The following CNTN4 variants were observed in gnomAD, a reference collection of about 807,000 sequenced individuals.
The protein encoded by CNTN4 is contactin-4.
In CNTN4, 77 loss-of-function variants were observed where a neutral mutation model predicts 122.5. The ratio of observed to expected loss-of-function variants is 0.63; its 90% CI spans 0.52 to 0.76. The LOEUF is 0.76. Among genes scored for constraint, CNTN4 ranks in the 30% least tolerant of loss-of-function variants. The pLI, the probability that CNTN4 is intolerant of heterozygous loss-of-function variation, is 0.00. For synonymous variants in CNTN4, 512 were observed against 447.0 expected (o/e 1.15, Z -1.83); for missense variants, 1,256 against 1,259.1 (o/e 1.00, Z 0.04).
At chr3:2,388,113 C>G (rs1485547442) in intron 3 of CNTN4, among the ~76,000 whole-genome samples, 1 of 152,098 alleles carries the variant, frequency 6.6e-6, no homozygotes, top group East Asian at 1.9e-4. Flanking sequence ...GTTTTGGCAG[C>G]AATTTTTGTG....
At chr3:2,994,594 C>T (rs1010781623) in intron 14 of CNTN4, among the ~76,000 whole-genome samples, 1 of 144,606 alleles carries the variant, frequency 6.9e-6, no homozygotes, top group African/African-American at 2.5e-5. Context: ...CAGATTTTTT[C>T]ATATATATAT....
chr3:2,892,621 T>G (rs953401878), intron 10 of CNTN4, among the ~76,000 whole-genome samples: 17 of 152,248 alleles, frequency 1.1e-4, no homozygotes, highest in African/African-American at 3.4e-4. Flanking sequence ...CCAAAAAGAC[T>G]GATAGAATTA....
At chr3:2,800,440 TAA>T (rs2092320158) in intron 6 of CNTN4, among the ~76,000 whole-genome samples, 1 of 152,226 alleles carries the variant, frequency 6.6e-6, no homozygotes, top group African/African-American at 2.4e-5. Context: ...TACATACCAC[TAA>T]AGTTCTTATT....
chr3:2,759,135 A>G (rs1254787344), intron 6 of CNTN4, among the ~76,000 whole-genome samples: 1 of 152,084 alleles, frequency 6.6e-6, no homozygotes, highest in Non-Finnish European at 1.5e-5. Context: ...TCTGTGTCGT[A>G]GTGTGTATTA....
chr3:2,169,691 C>T (rs952876709), intron 2 of CNTN4, among the ~76,000 whole-genome samples: 1 of 152,098 alleles, frequency 6.6e-6, no homozygotes, highest in Non-Finnish European at 1.5e-5. Flanking sequence ...GCCACCGCGC[C>T]CGGCCTAGAA....
At chr3:2,833,035 C>T (rs944656411) in intron 7 of CNTN4, among the ~76,000 whole-genome samples, 3 of 151,998 alleles carry the variant, frequency 2.0e-5, no homozygotes, top group Non-Finnish European at 2.9e-5. Context: ...ACTTGGTGAT[C>T]GAGAAGGAGG....
intron 6 of CNTN4, among the ~76,000 whole-genome samples, chr3:2,798,086 T>TCCAAC (rs1471066592): frequency 1.2e-5 from 1 of 85,246 alleles, no homozygotes; most frequent in Non-Finnish European, 2.5e-5. Flanking sequence ...CTCCCACTCT[T>TCCAAC]TCAACTCTCC....
chr3:2,864,740 C>CAAAAAAA lies in CNTN4; in HGVS notation c.455-2003_455-1997dup, dbSNP rs56398439. Among the ~76,000 whole-genome samples the CAAAAAAA allele has an allele frequency of 4.6e-4, 25 of 54,712 alleles. 1 individual carries two copies. Among genetic ancestry groups the CAAAAAAA allele is most frequent in the African/African-American group, 1.6e-3 (22 of 13,342 alleles). 35.9% of individuals were successfully genotyped at this position (54,712 alleles called of 152,430 possible). A position where few individuals can be genotyped will look rare whatever the true frequency, so the allele number is the denominator to read the frequency against. On this transcript the variant is annotated intron_variant, in intron 7 of 24. Coordinates refer to ENST00000418658, the MANE Select transcript of CNTN4 (RefSeq NM_175607.3). ...GGCAACAAAAAGCAAAACTCCATCTCAAAAAAAAAAAAAAAGTTTCCGGTA... is the reference window on the plus strand; with the variant it reads ...GGCAACAAAAAGCAAAACTCCATCTCAAAAAAAAAAAAAAAAAAAAAAGTTTCCGGTA...
chr3:2,933,043 CG>C (rs1485815271), intron 13 of CNTN4, among the ~76,000 whole-genome samples: 1 of 151,972 alleles, frequency 6.6e-6, no homozygotes, highest in Non-Finnish European at 1.5e-5. Flanking sequence ...AGGATGGTCT[CG>C]ATCTCCTGAC....
At chr3:2,328,088 T>C (rs537687822) in intron 2 of CNTN4, among the ~76,000 whole-genome samples, 2 of 152,306 alleles carry the variant, frequency 1.3e-5, no homozygotes, top group South Asian at 4.1e-4. Flanking sequence ...TACCCTTTTG[T>C]CTTCCAATCA....
chr3:2,449,531 C>T (rs1235670355), intron 3 of CNTN4, among the ~76,000 whole-genome samples: 1 of 150,978 alleles, frequency 6.6e-6, no homozygotes, highest in Non-Finnish European at 1.5e-5. Flanking sequence ...AAGTGAACTG[C>T]TTGAACCCAG....
chr3:2,231,645 C>T (rs960607575), intron 2 of CNTN4, among the ~76,000 whole-genome samples: 2 of 152,128 alleles, frequency 1.3e-5, no homozygotes, highest in Admixed American at 6.5e-5. Context: ...CCAAGGCTCA[C>T]GAGAATCAAA....
intron 3 of CNTN4, among the ~76,000 whole-genome samples, chr3:2,516,950 A>C (rs1306697977): frequency 2.6e-5 from 4 of 152,134 alleles, no homozygotes; most frequent in African/African-American, 9.7e-5. Flanking sequence ...AAAGAAAAAA[A>C]AATGTAAATA....
At chr3:2,905,570 G>A (rs73805430) in intron 12 of CNTN4, among the ~76,000 whole-genome samples, 8,248 of 152,240 alleles carry the variant, frequency 0.054, 755 homozygotes, top group African/African-American at 0.19. Context: ...TCACCTTAGC[G>A]GTTAGGATTT....
chr3:2,297,124 G>A (rs1340070982), intron 2 of CNTN4, among the ~76,000 whole-genome samples: 1 of 152,066 alleles, frequency 6.6e-6, no homozygotes, highest in Admixed American at 6.5e-5. Context: ...AATTCAGTTT[G>A]GGTACTTTAA....
At chr3:2,369,660 C>G (rs1373438886) in intron 3 of CNTN4, among the ~76,000 whole-genome samples, 1 of 152,066 alleles carries the variant, frequency 6.6e-6, no homozygotes, top group Non-Finnish European at 1.5e-5. Flanking sequence ...CCAGATGCTT[C>G]CTTCCTCCTG....
rs139777466 is a variant in CNTN4, at chr3:2,843,062, C to G, written c.454+23481C>G. Among the ~76,000 whole-genome samples the G allele has an allele frequency of 3.1e-3, 474 of 152,198 alleles. 3 individuals carry two copies. The highest frequency in any genetic ancestry group is 0.011 in the African/African-American group (454 of 41,522). ...GCCCCTCTCCCTCCTAAATACTTGA[C>G]TTACATATCCATTTCCTGCTCATCT... On this transcript the variant is annotated intron_variant, in intron 7 of 24. Coordinates refer to ENST00000418658, the MANE Select transcript of CNTN4 (RefSeq NM_175607.3).
intron 2 of CNTN4, among the ~76,000 whole-genome samples, chr3:2,233,901 A>G (rs71309879): frequency 6.6e-6 from 1 of 152,204 alleles, no homozygotes; most frequent in African/African-American, 2.4e-5. Flanking sequence ...AGTGAAATAC[A>G]CAGCAAAAGG....
intron 13 of CNTN4, among the ~76,000 whole-genome samples, chr3:2,962,158 G>T (rs777306312): frequency 6.6e-6 from 1 of 152,110 alleles, no homozygotes; most frequent in Non-Finnish European, 1.5e-5. Context: ...AACTTATCTG[G>T]ATCTCTTCTG....
Sources: allele counts gnomAD v4.1 joint callset (sites outside exome capture counted in the v4.1 genomes callset), GRCh38; gene constraint gnomAD v4.1.1; transcripts MANE v1.5; gene names NCBI Gene and HGNC (gene_info 2026-07-23, HGNC 2026-07-21).